The following MACO1 variants were observed in gnomAD, a reference collection of about 807,000 sequenced individuals.
MACO1 encodes macoilin.
In MACO1, 14 loss-of-function variants were observed where a neutral mutation model predicts 78.7. The ratio of observed to expected loss-of-function variants is 0.18; its 90% CI spans 0.12 to 0.28. The LOEUF (loss-of-function observed/expected upper bound fraction) is 0.28. MACO1 is among the 10% of genes least tolerant of loss of function. The pLI is 1.00. For synonymous variants in MACO1, 288 were observed against 291.6 expected (o/e 0.99, Z 0.12); for missense variants, 501 against 799.0 (o/e 0.63, Z 4.50).
chr1:25,456,659 G>T lies in MACO1; in HGVS notation c.480G>T (p.Gly160=), dbSNP rs771585873. The change falls in exon 5 of 11, where the codon GGG becomes GGT. Residue 160 remains glycine, a synonymous_variant. Coordinates refer to ENST00000374343, the MANE Select transcript of MACO1 (RefSeq NM_018202.6). ...LCRPFAAHCI[G]YPVVTLGFGF... ...TGGATTGTCTTCTTTCTAGTATTGG[G>T]TACCCTGTGGTAACTTTGGGGTTTG... is the stretch of plus-strand genomic sequence containing the variant. 6.2e-7 allele frequency: 1 copy of T among 1,613,152 alleles called. No individual in the cohort carries two copies. Among genetic ancestry groups the T allele is most frequent in the Admixed American group, 1.7e-5 (1 of 59,830 alleles).
chr1:25,451,737 C>T (rs1557661929), intron 3 of MACO1, among the ~76,000 whole-genome samples: 1 of 151,886 alleles, frequency 6.6e-6, no homozygotes. Context: ...CGAAACTTGT[C>T]TCTACTAAAA....
intron 6 of MACO1, among the ~76,000 whole-genome samples, chr1:25,459,793 G>A (rs945921662): frequency 3.3e-5 from 5 of 152,102 alleles, no homozygotes; most frequent in Non-Finnish European, 5.9e-5. Flanking sequence ...GAATAACATT[G>A]TTTTATTACA....
Position 25,486,263 on chromosome 1 carries a change from A to G in MACO1, c.1496+468A>G, listed in dbSNP as rs902374790. 2.0e-5 allele frequency among the ~76,000 whole-genome samples: 3 copies of G among 152,300 alleles called. No individual in the cohort carries two copies. In the South Asian group the frequency reaches 6.2e-4, roughly 32 times the overall value. ...CACTGTGTACTGGCTGCTCAAATGG[A>G]TATCAGCAAACTGTCAAATGAAATG... On this transcript the variant is annotated intron_variant, in intron 8 of 10. Coordinates refer to ENST00000374343, the MANE Select transcript of MACO1 (RefSeq NM_018202.6).
chr1:25,435,812 T>C (rs2042914693), intron 1 of MACO1, among the ~76,000 whole-genome samples: 1 of 152,230 alleles, frequency 6.6e-6, no homozygotes, highest in African/African-American at 2.4e-5. Flanking sequence ...ACCTGTGCAG[T>C]GAAGTGTTTA....
intron 6 of MACO1, among the ~76,000 whole-genome samples, chr1:25,463,502 A>AT (rs1322788928): frequency 6.6e-6 from 1 of 152,244 alleles, no homozygotes; most frequent in East Asian, 1.9e-4. Context: ...TACCTAAGAT[A>AT]TTTAAAAACA....
At chr1:25,481,367 T>G (rs2043376110) in intron 6 of MACO1, among the ~76,000 whole-genome samples, 1 of 152,110 alleles carries the variant, frequency 6.6e-6, no homozygotes, top group Non-Finnish European at 1.5e-5. Flanking sequence ...GGGAGGAACT[T>G]TAGAGTTATC....
At chr1:25,478,672 T>C (rs915969159) in intron 6 of MACO1, among the ~76,000 whole-genome samples, 1 of 152,236 alleles carries the variant, frequency 6.6e-6, no homozygotes, top group Non-Finnish European at 1.5e-5. Flanking sequence ...GAGTGCTATC[T>C]TTTGAAATTA....
intron 6 of MACO1, among the ~76,000 whole-genome samples, chr1:25,473,106 A>G (rs982798634): frequency 3.9e-5 from 6 of 152,190 alleles, no homozygotes; most frequent in African/African-American, 1.4e-4. Context: ...TTCTAGCACT[A>G]TGTCTGAGCA....
intron 4 of MACO1, 148 bp downstream of exon 4, chr1:25,454,530 C>G (rs1159934430): frequency 5.3e-6 from 1 of 190,454 alleles, no homozygotes; most frequent in African/African-American, 2.5e-5. Context: ...GTCACCCAGG[C>G]TGGAATGCAG....
chr1:25,465,571 G>C (rs35743255), intron 6 of MACO1, among the ~76,000 whole-genome samples: 1 of 151,958 alleles, frequency 6.6e-6, no homozygotes, highest in East Asian at 1.9e-4. Flanking sequence ...TTATATGCTT[G>C]TTTACCATCT....
Position 25,446,912 on chromosome 1 carries a change from G to A in MACO1, c.222+9G>A, listed in dbSNP as rs951252211. 6 of 1,607,838 alleles carry A rather than the reference G, an allele frequency of 3.7e-6. No individual in the cohort carries two copies. The highest frequency in any genetic ancestry group is 4.2e-6 in the Non-Finnish European group (5 of 1,177,674). The stretch of plus-strand genomic sequence containing the variant: ...TCAGATACCAGGGACTGGTATGTCT[G>A]GTAATACATGTTTTCCATGTGTGGG... On this transcript the variant is annotated intron_variant, in intron 2 of 10. Coordinates refer to ENST00000374343, the MANE Select transcript of MACO1 (RefSeq NM_018202.6).
intron 6 of MACO1, 28 bp from the exon 7 acceptor site, chr1:25,484,088 G>A (rs763259466): frequency 1.1e-5 from 18 of 1,589,184 alleles, no homozygotes; most frequent in Non-Finnish European, 1.5e-5. Flanking sequence ...TCACCTAGAT[G>A]AAAATGCTGC....
intron 6 of MACO1, among the ~76,000 whole-genome samples, chr1:25,467,344 G>A (rs912590995): frequency 6.6e-6 from 1 of 152,144 alleles, no homozygotes; most frequent in Non-Finnish European, 1.5e-5. Flanking sequence ...TTCAAGGCCT[G>A]CAGAGGAATC....
At chr1:25,475,758 A>C (rs535886083) in intron 6 of MACO1, among the ~76,000 whole-genome samples, 1 of 152,292 alleles carries the variant, frequency 6.6e-6, no homozygotes, top group South Asian at 2.1e-4. Context: ...ATTATATCTG[A>C]TTTTGAAAAG....
intron 6 of MACO1, among the ~76,000 whole-genome samples, chr1:25,468,166 CAT>C (rs764760392): frequency 1.3e-5 from 2 of 152,160 alleles, no homozygotes; most frequent in Non-Finnish European, 2.9e-5. Context: ...GCCAAAGACA[CAT>C]GAGTGTACTT....
intron 1 of MACO1, among the ~76,000 whole-genome samples, chr1:25,440,405 GAAAA>G (rs35855810): frequency 1.6e-5 from 2 of 124,604 alleles, no homozygotes; most frequent in East Asian, 2.5e-4. Flanking sequence ...CCAGTTCTGG[GAAAA>G]AAAAAAAAAA....
Position 25,481,370 on chromosome 1 carries a change from G to C in MACO1, c.1155-2746G>C, listed in dbSNP as rs1479281140. On this transcript the variant is annotated intron_variant, in intron 6 of 10. Transcript: ENST00000374343. The stretch of plus-strand genomic sequence containing the variant: ...CTAGCCCAAACTGGGAGGAACTTTA[G>C]AGTTATCAGCCGTAGATGAGGAAAC... Among the ~76,000 whole-genome samples, 4 of 152,230 alleles carry C rather than the reference G, an allele frequency of 2.6e-5. No homozygotes were observed. In the East Asian group the frequency reaches 5.8e-4, roughly 22 times the overall value.
intron 8 of MACO1, among the ~76,000 whole-genome samples, chr1:25,488,768 A>G (rs1354232687): frequency 6.6e-6 from 1 of 152,178 alleles, no homozygotes; most frequent in Non-Finnish European, 1.5e-5. Context: ...TACAGGCGTG[A>G]GCCACTGCAC....
intron 9 of MACO1, among the ~76,000 whole-genome samples, chr1:25,490,194 G>T (rs2043472604): frequency 6.6e-6 from 1 of 152,110 alleles, no homozygotes; most frequent in African/African-American, 2.4e-5. Flanking sequence ...AAATTGATTG[G>T]GGAAGGTATG....
Sources: gnomAD v4.1 joint callset for allele counts (sites outside exome capture counted in the v4.1 genomes callset) on GRCh38, gnomAD v4.1.1 for gene constraint, MANE v1.5 for transcripts, NCBI Gene and HGNC (gene_info 2026-07-23, HGNC 2026-07-21) for gene names.